Variants in GMDS observed in about 807,000 individuals in gnomAD.
GMDS encodes GDP-mannose 4,6-dehydratase, also known as GDP-mannose 4,6 dehydratase.
GMDS carries 20 observed loss-of-function variants against 49.9 expected under a neutral mutation model. The ratio of observed to expected loss-of-function variants is 0.40; its 90% CI spans 0.28 to 0.58. The LOEUF (loss-of-function observed/expected upper bound fraction) is 0.58. GMDS is among the 20% of genes least tolerant of loss of function. GMDS has a pLI of 0.42. For missense variants in GMDS, 362 were observed against 481.4 expected, an observed-to-expected ratio of 0.75 and a Z score of 2.32; for synonymous variants, 177 against 178.6, an observed-to-expected ratio of 0.99 and a Z score of 0.07.
intron 9 of GMDS, among the ~76,000 whole-genome samples, chr6:1,695,063 T>C (rs1765291620): frequency 8.1e-6 from 1 of 122,726 alleles, no homozygotes; most frequent in Admixed American, 8.8e-5. Context: ...TTTCTTTCTA[T>C]GAGCAAATTA....
At chr6:2,046,106 A>C in intron 4 of GMDS, among the ~76,000 whole-genome samples, 1 of 152,270 alleles carries the variant, frequency 6.6e-6, no homozygotes, top group South Asian at 2.1e-4. Context: ...CCAGCTACTC[A>C]GGAGGCTGAG....
intron 9 of GMDS, among the ~76,000 whole-genome samples, chr6:1,705,540 T>C (rs943997895): frequency 6.6e-6 from 1 of 152,242 alleles, no homozygotes; most frequent in Non-Finnish European, 1.5e-5. Context: ...CAGTAAGTGA[T>C]AAGAAGACAG....
chr6:1,682,958 T>C (rs7756485), intron 9 of GMDS, among the ~76,000 whole-genome samples: 50,377 of 152,086 alleles, frequency 0.33, 8,566 homozygotes, highest in African/African-American at 0.4. Flanking sequence ...TTGGCCTAGT[T>C]GGTCCTAGAA....
intron 7 of GMDS, among the ~76,000 whole-genome samples, chr6:1,865,907 C>T (rs932302044): frequency 2.6e-5 from 4 of 152,122 alleles, no homozygotes; most frequent in Admixed American, 6.5e-5. Context: ...AAATGCATGG[C>T]TATATATACA....
intron 4 of GMDS, among the ~76,000 whole-genome samples, chr6:2,017,160 G>C (rs1767953320): frequency 6.6e-6 from 1 of 152,148 alleles, no homozygotes; most frequent in Admixed American, 6.6e-5. Context: ...AGGTAGCACT[G>C]AAAGGTGGTG....
rs946299932 is a variant in GMDS at position 1,833,102 on chromosome 6, C to T, written c.772-90516G>A. Among the ~76,000 whole-genome samples the T allele has an allele frequency of 2.0e-5, 3 of 151,300 alleles. No homozygotes were observed. The highest frequency in any genetic ancestry group is 4.9e-5 in the African/African-American group (2 of 41,182). On this transcript the variant is annotated intron_variant, in intron 7 of 10. Transcript: ENST00000380815. This position sits in a 1 kb window ranked among gnomAD's most constrained non-coding sequence, Gnocchi z 4.4. Reference sequence around the variant, plus strand: ...CGCCGCTGGACCTGTGCCCAGCTCACCCGGCAGTGGAGCGTATGAAAGCCT... The same window carrying T: ...CGCCGCTGGACCTGTGCCCAGCTCATCCGGCAGTGGAGCGTATGAAAGCCT...
chr6:1,842,046 T>A (rs891987170), intron 7 of GMDS, among the ~76,000 whole-genome samples: 2 of 152,218 alleles, frequency 1.3e-5, no homozygotes, highest in African/African-American at 4.8e-5. Flanking sequence ...CCCCTGTGAC[T>A]CTAACCATTC....
At chr6:2,007,183 T>G (rs778117206) in intron 4 of GMDS, among the ~76,000 whole-genome samples, 2 of 152,194 alleles carry the variant, frequency 1.3e-5, no homozygotes, top group African/African-American at 4.8e-5. Flanking sequence ...TACCTCAGAT[T>G]CTGTCAGGCA....
intron 9 of GMDS, among the ~76,000 whole-genome samples, chr6:1,722,408 T>C (rs891547802): frequency 1.3e-5 from 2 of 151,896 alleles, no homozygotes; most frequent in Non-Finnish European, 2.9e-5. Flanking sequence ...ATTTCTACAT[T>C]TGCAATCTCC....
chr6:2,105,881 C>G (rs1332374467), intron 4 of GMDS, among the ~76,000 whole-genome samples: 1 of 152,196 alleles, frequency 6.6e-6, no homozygotes, highest in Non-Finnish European at 1.5e-5. Flanking sequence ...CTCCTCTTCT[C>G]TGGCAAACAT....
chr6:1,872,226 G>A (rs1758797052), intron 7 of GMDS, among the ~76,000 whole-genome samples: 1 of 152,170 alleles, frequency 6.6e-6, no homozygotes, highest in Admixed American at 6.5e-5. Context: ...ACATCCACCG[G>A]GCTGGCTAGC....
intron 7 of GMDS, among the ~76,000 whole-genome samples, chr6:1,794,438 A>G (rs989008042): frequency 7.0e-6 from 1 of 143,614 alleles, no homozygotes; most frequent in African/African-American, 2.6e-5. Flanking sequence ...AAACTACGGC[A>G]TTATATAGAA....
At chr6:1,851,969 A>G (rs992080307) in intron 7 of GMDS, among the ~76,000 whole-genome samples, 6 of 152,146 alleles carry the variant, frequency 3.9e-5, no homozygotes, top group African/African-American at 1.2e-4. Flanking sequence ...TCAGCACCCT[A>G]TCACTGGCAG....
chr6:1,651,778 A>G (rs1398494504), intron 9 of GMDS, among the ~76,000 whole-genome samples: 1 of 152,142 alleles, frequency 6.6e-6, no homozygotes, highest in Non-Finnish European at 1.5e-5. Context: ...TAAGGAAGTA[A>G]ATGAGATAAT....
At chr6:2,179,016 G>A (rs937834789) in intron 1 of GMDS, among the ~76,000 whole-genome samples, 1 of 152,072 alleles carries the variant, frequency 6.6e-6, no homozygotes, top group Non-Finnish European at 1.5e-5. Context: ...TCTTCATGTG[G>A]CATAAACAGC....
chr6:1,802,696 C>A (rs753414073), intron 7 of GMDS, among the ~76,000 whole-genome samples: 1 of 152,200 alleles, frequency 6.6e-6, no homozygotes, highest in Non-Finnish European at 1.5e-5. Context: ...ATGTGTTATG[C>A]GGGGAGGAGG....
At chr6:2,243,192 CA>C (rs1424216118) in intron 1 of GMDS, among the ~76,000 whole-genome samples, 1 of 152,098 alleles carries the variant, frequency 6.6e-6, no homozygotes, top group African/African-American at 2.4e-5. Flanking sequence ...AATGAGGAAC[CA>C]AAAAATTCCA....
chr6:1,638,250 C>T (rs1763223804), intron 9 of GMDS, among the ~76,000 whole-genome samples: 1 of 152,122 alleles, frequency 6.6e-6, no homozygotes, highest in Non-Finnish European at 1.5e-5. Flanking sequence ...AAGCCCCACA[C>T]TAAAAAAGCC....
intron 7 of GMDS, among the ~76,000 whole-genome samples, chr6:1,901,569 C>T (rs184199678): frequency 6.6e-6 from 1 of 152,266 alleles, no homozygotes; most frequent in Non-Finnish European, 1.5e-5. Flanking sequence ...GATCCAAATA[C>T]AAAGAGTTAA....
Sources: gnomAD v4.1 joint callset for allele counts (sites outside exome capture counted in the v4.1 genomes callset) on GRCh38, gnomAD v4.1.1 for gene constraint, Gnocchi (gnomAD v3.1) non-coding constraint, MANE v1.5 for transcripts, NCBI Gene and HGNC (gene_info 2026-07-23, HGNC 2026-07-21) for gene names.